The following MYNN variants were observed in gnomAD, a reference collection of about 807,000 sequenced individuals.
MYNN encodes the protein myoneurin, also known as zinc finger and BTB domain-containing protein 31.
In MYNN, 22 loss-of-function variants were observed where a neutral mutation model predicts 57.2. That is an observed-to-expected ratio of 0.38 (90% CI 0.27 to 0.55). MYNN has a LOEUF of 0.55. Ranked by LOEUF, MYNN falls within the 20% of genes least tolerant of loss-of-function variation. The probability of loss-of-function intolerance (pLI) is 0.71; values close to 1 mark genes in which losing one functional copy is unlikely to be tolerated. For synonymous variants in MYNN, 241 were observed against 257.1 expected (o/e 0.94, Z 0.60); for missense variants, 566 against 723.1 (o/e 0.78, Z 2.49).
At chr3:169,784,576 G>A in intron 6 of MYNN, 46 bp from the exon 7 acceptor site, 1 of 1,259,202 alleles carries the variant, frequency 7.9e-7, no homozygotes, top group South Asian at 1.3e-5. Context: ...GTCTTAGCTA[G>A]CAGCTTTTAA....
In MYNN at chr3:169,774,510, G is replaced by A; in HGVS notation, c.215G>A (p.Gly72Glu). 3 of 1,614,006 alleles carry A rather than the reference G, an allele frequency of 1.9e-6. No individual in the cohort carries two copies. Among genetic ancestry groups the A allele is most frequent in the Non-Finnish European group, 2.5e-6 (3 of 1,179,964 alleles). Residue 72 changes from glycine (G) to glutamate (E), a missense_variant, in exon 2 of 8, where the codon GGA (glycine) becomes GAA (glutamate). By Grantham distance (98) the Gly-to-Glu change is moderately conservative. Around this residue, in one of 4 missense-constraint regions of MYNN, gnomAD observed 261 missense variants for 280.8 expected, o/e 0.93. Transcript: ENST00000349841. ...GATCAGAGTCAGGTGAAGGCTGATG[G>A]ATTTCAGAAACTGTTGGAGTTTATA... The part of the protein sequence containing the change: ...FLDQSQVKAD[G>E]FQKLLEFIYT...
Position 169,782,904 on chromosome 3 carries a change from C to T in MYNN, c.1399+261C>T, listed in dbSNP as rs1349758880. ...ATAATTTTGATATTATATAAACTTGCATTGAGATGCATTTTGTGACTTTAT... is the reference window on the plus strand; with the variant it reads ...ATAATTTTGATATTATATAAACTTGTATTGAGATGCATTTTGTGACTTTAT... On this transcript the variant is annotated intron_variant, in intron 5 of 7. Coordinates refer to ENST00000349841, the MANE Select transcript of MYNN (RefSeq NM_018657.5). This position sits in a 1 kb window ranked among gnomAD's most constrained non-coding sequence, Gnocchi z 4.8. Among the ~76,000 whole-genome samples the T allele has an allele frequency of 2.0e-5, 3 of 152,072 alleles. No homozygotes were observed. The highest frequency in any genetic ancestry group is 4.4e-5 in the Non-Finnish European group (3 of 67,998).
chr3:169,786,369 A>T, intron 7 of MYNN, 47 bp from the exon 8 acceptor site: 1 of 1,547,994 alleles, frequency 6.5e-7, no homozygotes, highest in Non-Finnish European at 8.8e-7. Context: ...TCAGGGGTTT[A>T]GTTTTGTTTT....
rs752416648 is a variant in MYNN, at chr3:169,783,459, CT to C, written c.1400-14del. 1.5e-5 allele frequency: 22 copies of C among 1,505,572 alleles called. No individual in the cohort carries two copies. The highest frequency in any genetic ancestry group is 1.8e-5 in the Non-Finnish European group (20 of 1,084,768). The allele number at this position is 1,505,572 out of a possible 1,614,324, so 93.3% of individuals were successfully genotyped here. On this transcript the variant is annotated splice_polypyrimidine_tract_variant and intron_variant, in intron 5 of 7. Coordinates refer to ENST00000349841, the MANE Select transcript of MYNN (RefSeq NM_018657.5). ...TTGGTATAGTACACCACTTCGCTAT[CT>C]TTTATTTTCCATCTAGGTGAAAAAC...
At position 169,778,633 on chromosome 3, in the gene MYNN, A is replaced by G. The variant is rs575738629; in HGVS notation, c.267-135A>G. 4.2e-5 allele frequency: 27 copies of G among 640,612 alleles called. No individual in the cohort carries two copies. The South Asian group carries it at 6.2e-4, about 15-fold the overall frequency. The allele number at this position is 640,612 out of a possible 1,614,324, so 39.7% of individuals were successfully genotyped here. A position where few individuals can be genotyped will look rare whatever the true frequency, so the allele number is the denominator to read the frequency against. ...TTATTCTGAATGAATTTATAAATCT[A>G]TTTTTCTCTTAGTTATGTCTTTTTC... On this transcript the variant is annotated intron_variant, in intron 2 of 7. Coordinates refer to ENST00000349841, the MANE Select transcript of MYNN (RefSeq NM_018657.5).
At position 169,778,939 on chromosome 3, in the gene MYNN, T is replaced by C; in HGVS notation, c.438T>C (p.Thr146=). 1 of 1,613,974 alleles carries C rather than the reference T, an allele frequency of 6.2e-7. No individual in the cohort carries two copies. The highest frequency in any genetic ancestry group is 8.5e-7 in the Non-Finnish European group (1 of 1,180,012). The part of the protein sequence containing the change: ...IELNQQTCLL[T]LRDYNNREKS... ...TGAATCAACAGACTTGTCTTCTTAC[T>C]CTGCGAGATTATAATAATCGAGAGA... The change falls in exon 3 of 8, where the codon ACT becomes ACC. Residue 146 remains threonine, a synonymous_variant. Coordinates refer to ENST00000349841, the MANE Select transcript of MYNN (RefSeq NM_018657.5).
At position 169,787,939 on chromosome 3, in the gene MYNN, A is replaced by G. The variant is rs369406761; in HGVS notation, c.*1261A>G. 6.6e-5 allele frequency: 10 copies of G among 152,200 alleles called. No homozygotes were observed. The East Asian group carries it at 1.3e-3, about 21-fold the overall frequency. 9.4% of individuals were successfully genotyped at this position (152,200 alleles called of 1,614,324 possible). Reference sequence around the variant, plus strand: ...CACAAAGTCAATTTTTATAGTGCCAATCAAACAGCATGGTGATATTCTTTT... The same window carrying G: ...CACAAAGTCAATTTTTATAGTGCCAGTCAAACAGCATGGTGATATTCTTTT... On this transcript the variant is annotated 3_prime_UTR_variant, in exon 8 of 8. Coordinates refer to ENST00000349841, the MANE Select transcript of MYNN (RefSeq NM_018657.5).
chr3:169,784,858 G>T, intron 7 of MYNN, 150 bp downstream of exon 7: 7 of 321,020 alleles, frequency 2.2e-5, no homozygotes, highest in Non-Finnish European at 2.9e-5. Context: ...TGTGAGGAAA[G>T]TAGCTTTTTT....
Position 169,779,120 on chromosome 3 carries a change from G to A in MYNN, c.619G>A (p.Ala207Thr). ...ATATCCCAGTGACATCTTAGAGAAT[G>A]CATCTGTTGAATTATTCCTAGATGC... ...VQYPSDILEN[A>T]SVELFLDANK... The change falls in exon 3 of 8, where the codon GCA becomes ACA. Residue 207 changes from alanine to threonine, a missense_variant. This residue lies in a region of MYNN where 261 missense variants were observed against 280.8 expected (regional missense o/e 0.93). Transcript: ENST00000349841. 6.2e-7 allele frequency: 1 copy of A among 1,614,134 alleles called. No individual in the cohort carries two copies. Among genetic ancestry groups the A allele is most frequent in the East Asian group, 2.2e-5 (1 of 44,892 alleles).
At chr3:169,775,261 T>G (rs965461313) in intron 2 of MYNN, among the ~76,000 whole-genome samples, 10 of 152,220 alleles carry the variant, frequency 6.6e-5, no homozygotes, top group African/African-American at 2.4e-4. Context: ...CTGAGGAATC[T>G]GATAATGTAG....
In MYNN at chr3:169,782,023, G is replaced by A. The variant is rs970224827; in HGVS notation, c.1221-442G>A. Among the ~76,000 whole-genome samples, 1 of 152,122 alleles carries A rather than the reference G, an allele frequency of 6.6e-6. No homozygotes were observed. The highest frequency in any genetic ancestry group is 1.5e-5 in the Non-Finnish European group (1 of 68,018). On this transcript the variant is annotated intron_variant, in intron 4 of 7. Coordinates refer to ENST00000349841, the MANE Select transcript of MYNN (RefSeq NM_018657.5). The surrounding 1 kb of genome is among the most constrained non-coding windows in gnomAD (Gnocchi z 4.8). Reference sequence around the variant, plus strand: ...CTGCAGAAGTGATATCATTAAGTAGGATCTCAAGTATACAAATTGGAATTG... The same window carrying A: ...CTGCAGAAGTGATATCATTAAGTAGAATCTCAAGTATACAAATTGGAATTG...
At chr3:169,776,503 TA>T (rs1356509575) in intron 2 of MYNN, among the ~76,000 whole-genome samples, 1 of 152,154 alleles carries the variant, frequency 6.6e-6, no homozygotes, top group Non-Finnish European at 1.5e-5. Flanking sequence ...GATAATCTTA[TA>T]AAGCATTTAG....
In MYNN at chr3:169,774,486, A is replaced by G; in HGVS notation, c.191A>G (p.Asp64Gly). ...ACTTCTGAGAACAATGTCTTTCTTG[A>G]TCAGAGTCAGGTGAAGGCTGATGGA... ...RSTSENNVFL[D>G]QSQVKADGFQ... Residue 64 changes from aspartate to glycine, a missense_variant, in exon 2 of 8, where the codon GAT (aspartate) becomes GGT (glycine). Physicochemically the swap from Asp to Gly is moderately conservative, Grantham distance 94 (BLOSUM62 -1). This residue lies in a region of MYNN where 261 missense variants were observed against 280.8 expected (regional missense o/e 0.93). Coordinates refer to ENST00000349841, the MANE Select transcript of MYNN (RefSeq NM_018657.5). The G allele has an allele frequency of 1.2e-6, 2 of 1,614,128 alleles. No homozygotes were observed. Among genetic ancestry groups the G allele is most frequent in the Non-Finnish European group, 1.7e-6 (2 of 1,180,026 alleles).
In MYNN at chr3:169,779,347, T is replaced by C. The variant is rs1479445570; in HGVS notation, c.846T>C (p.Ser282=). The C allele has an allele frequency of 6.2e-7, 1 of 1,614,018 alleles. No homozygotes were observed. The highest frequency in any genetic ancestry group is 8.5e-7 in the Non-Finnish European group (1 of 1,180,012). Residue 282 remains serine (S), a synonymous_variant, in exon 3 of 8, where the codon AGT becomes AGC. Coordinates refer to ENST00000349841, the MANE Select transcript of MYNN (RefSeq NM_018657.5). The stretch of plus-strand genomic sequence containing the variant: ...TGTCTAATATAGCCAGCGTCAAGAG[T>C]CCTTATGAGGCGGAGAACTCCGGGG... ...HSMSNIASVK[S]PYEAENSGEE... is the part of the protein sequence containing the mutation.
At chr3:169,774,053 C>T in intron 1 of MYNN, 2 of 446,270 alleles carry the variant, frequency 4.5e-6, no homozygotes, top group Non-Finnish European at 8.0e-6. Flanking sequence ...TTGCCATTCA[C>T]CGTCACTTAT....
At position 169,789,491 on chromosome 3, in the gene MYNN, T is replaced by G. The variant is rs2108213875; in HGVS notation, c.*2813T>G. On this transcript the variant is annotated 3_prime_UTR_variant, in exon 8 of 8. Coordinates refer to ENST00000349841, the MANE Select transcript of MYNN (RefSeq NM_018657.5). ...GCTGGGGAAGCCCCATAGGTGATTT[T>G]AATGTATACCAAACATGTAGAGTCT... 1 of 152,332 alleles carries G rather than the reference T, an allele frequency of 6.6e-6. No homozygotes were observed. The highest frequency in any genetic ancestry group is 1.9e-4 in the East Asian group (1 of 5,186). The allele number at this position is 152,332 out of a possible 1,614,324, so 9.4% of individuals were successfully genotyped here. A position where few individuals can be genotyped will look rare whatever the true frequency, so the allele number is the denominator to read the frequency against.
Position 169,788,337 on chromosome 3 carries a change from A to G in MYNN, c.*1659A>G, listed in dbSNP as rs1035136730. 3.3e-5 allele frequency: 5 copies of G among 152,148 alleles called. No homozygotes were observed. The highest frequency in any genetic ancestry group is 1.2e-4 in the African/African-American group (5 of 41,446). 9.4% of individuals were successfully genotyped at this position (152,148 alleles called of 1,614,324 possible). ...AATATTTGATTATTTTATCTAAGAA[A>G]TCTATGCATGTGTATCAAGTTAAAA... is the stretch of plus-strand genomic sequence containing the variant. On this transcript the variant is annotated 3_prime_UTR_variant, in exon 8 of 8. Transcript: ENST00000349841.
chr3:169,787,957 ATTCT>A lies in MYNN; in HGVS notation c.*1282_*1285del, dbSNP rs1368919362. On this transcript the variant is annotated 3_prime_UTR_variant, in exon 8 of 8. Coordinates refer to ENST00000349841, the MANE Select transcript of MYNN (RefSeq NM_018657.5). ...AGTGCCAATCAAACAGCATGGTGAT[ATTCT>A]TTTTCTTTTTTTTTCCCCCCACAAG... is the stretch of plus-strand genomic sequence containing the variant. The A allele has an allele frequency of 6.6e-6, 1 of 152,018 alleles. No individual in the cohort carries two copies. Among genetic ancestry groups the A allele is most frequent in the African/African-American group, 2.4e-5 (1 of 41,414 alleles). 9.4% of individuals were successfully genotyped at this position (152,018 alleles called of 1,614,324 possible).
intron 2 of MYNN, among the ~76,000 whole-genome samples, 160 bp downstream of exon 2, chr3:169,774,721 G>A (rs1778278708): frequency 6.6e-6 from 1 of 152,204 alleles, no homozygotes; most frequent in Non-Finnish European, 1.5e-5. Flanking sequence ...ACTGATTTAG[G>A]ATGAGCAGGC....
Sources: allele counts gnomAD v4.1 joint callset (sites outside exome capture counted in the v4.1 genomes callset), GRCh38; gene constraint gnomAD v4.1.1; regional missense constraint gnomAD v4.1.1; non-coding constraint Gnocchi (gnomAD v3.1); transcripts MANE v1.5; gene names NCBI Gene and HGNC (gene_info 2026-07-23, HGNC 2026-07-21).